The following SRBD1 variants were observed in gnomAD, a reference collection of about 807,000 sequenced individuals.
SRBD1 encodes the protein S1 RNA-binding domain-containing protein 1.
In SRBD1, 88 loss-of-function variants were observed where a neutral mutation model predicts 115.3. That is an observed-to-expected ratio of 0.76 (90% CI 0.64 to 0.91). SRBD1 has a LOEUF of 0.91. Ranked by LOEUF, SRBD1 falls within the 40% of genes least tolerant of loss-of-function variation. SRBD1 has a pLI of 0.00. For missense variants in SRBD1, 1,385 were observed against 1,177.4 expected (o/e 1.18, Z -2.58); for synonymous variants, 509 against 407.7 (o/e 1.25, Z -2.99).
intron 19 of SRBD1, among the ~76,000 whole-genome samples, chr2:45,408,287 A>C (rs1447808964): frequency 6.6e-6 from 1 of 152,192 alleles, no homozygotes; most frequent in African/African-American, 2.4e-5. Context: ...TGATAGACAG[A>C]AATTACTATC....
chr2:45,553,492 A>C (rs1672367606), intron 11 of SRBD1, 131 bp downstream of exon 11: 2 of 476,272 alleles, frequency 4.2e-6, no homozygotes, highest in Non-Finnish European at 3.6e-6. Flanking sequence ...CCTTAACTTT[A>C]ACACTTTGTG....
intron 14 of SRBD1, among the ~76,000 whole-genome samples, chr2:45,505,965 A>C (rs1346149316): frequency 6.6e-6 from 1 of 152,182 alleles, no homozygotes; most frequent in Non-Finnish European, 1.5e-5. Context: ...GTTGTTTGTG[A>C]ATGTCAGTCA....
At chr2:45,523,219 T>A (rs1470500420) in intron 14 of SRBD1, among the ~76,000 whole-genome samples, 1 of 145,470 alleles carries the variant, frequency 6.9e-6, no homozygotes, top group African/African-American at 2.5e-5. Context: ...AATGCCCATA[T>A]TAAAAAAAGA....
intron 14 of SRBD1, among the ~76,000 whole-genome samples, chr2:45,489,084 C>A (rs114127086): frequency 1.3e-5 from 2 of 152,276 alleles, no homozygotes; most frequent in African/African-American, 4.8e-5. Flanking sequence ...TGTCTTACAG[C>A]TGACATTTGT....
intron 14 of SRBD1, among the ~76,000 whole-genome samples, chr2:45,516,046 C>T (rs1671109799): frequency 6.6e-6 from 1 of 152,230 alleles, no homozygotes; most frequent in East Asian, 1.9e-4. Flanking sequence ...GTCAAGTATT[C>T]AGCCTTGACT....
chr2:45,410,599 C>T (rs1399266740), intron 19 of SRBD1, among the ~76,000 whole-genome samples: 1 of 152,178 alleles, frequency 6.6e-6, no homozygotes, highest in East Asian at 1.9e-4. Flanking sequence ...TATGACACGA[C>T]TGGTAGCTGG....
chr2:45,568,427 T>G (rs1672904008), intron 9 of SRBD1, among the ~76,000 whole-genome samples: 1 of 152,212 alleles, frequency 6.6e-6, no homozygotes, highest in Non-Finnish European at 1.5e-5. Context: ...ACATGAGGTC[T>G]CAGCACTATA....
chr2:45,592,533 C>T (rs533517538), intron 4 of SRBD1, among the ~76,000 whole-genome samples: 1 of 152,300 alleles, frequency 6.6e-6, no homozygotes, highest in South Asian at 2.1e-4. Flanking sequence ...GCCTTTTAAA[C>T]AAACTTCCAC....
chr2:45,551,491 T>C (rs1006500471), intron 11 of SRBD1, among the ~76,000 whole-genome samples: 2 of 152,210 alleles, frequency 1.3e-5, no homozygotes, highest in Non-Finnish European at 2.9e-5. Flanking sequence ...GCAAGTCTTG[T>C]AAGTTTATCA....
chr2:45,575,953 C>G (rs1399684274), intron 7 of SRBD1, among the ~76,000 whole-genome samples: 1 of 152,226 alleles, frequency 6.6e-6, no homozygotes, highest in Non-Finnish European at 1.5e-5. Flanking sequence ...ATCTGCCCCC[C>G]TCAGCCTCCC....
chr2:45,597,355 G>C (rs986514034), intron 4 of SRBD1, among the ~76,000 whole-genome samples: 3 of 152,050 alleles, frequency 2.0e-5, no homozygotes, highest in African/African-American at 7.2e-5. Flanking sequence ...GGGAGGCAGA[G>C]GTTGCAGTGA....
chr2:45,532,332 T>C (rs1047345404), intron 14 of SRBD1, among the ~76,000 whole-genome samples: 7 of 151,866 alleles, frequency 4.6e-5, no homozygotes, highest in African/African-American at 1.7e-4. Flanking sequence ...CAATTTACTT[T>C]AAAAGGCGCT....
At chr2:45,393,482 G>A (rs1490618070) in intron 19 of SRBD1, among the ~76,000 whole-genome samples, 6 of 152,260 alleles carry the variant, frequency 3.9e-5, no homozygotes, top group South Asian at 2.1e-4. Flanking sequence ...CTGGGTTCAC[G>A]CCATTCTCCT....
intron 16 of SRBD1, among the ~76,000 whole-genome samples, chr2:45,471,068 T>A (rs1406942389): frequency 6.6e-6 from 1 of 152,192 alleles, no homozygotes; most frequent in East Asian, 1.9e-4. Flanking sequence ...AAAATAAGTA[T>A]TAAGTTTATA....
chr2:45,536,383 A>T (rs926482403), intron 14 of SRBD1, among the ~76,000 whole-genome samples: 1 of 151,944 alleles, frequency 6.6e-6, no homozygotes, highest in Non-Finnish European at 1.5e-5. Context: ...GACATACTCT[A>T]ATAGGTAGAA....
intron 14 of SRBD1, among the ~76,000 whole-genome samples, chr2:45,492,244 C>G (rs1256011874): frequency 2.0e-5 from 3 of 152,298 alleles, no homozygotes; most frequent in Non-Finnish European, 2.9e-5. Flanking sequence ...ATTGATATCT[C>G]TACAGTTTAC....
intron 9 of SRBD1, among the ~76,000 whole-genome samples, chr2:45,565,905 C>T (rs970333181): frequency 2.0e-5 from 3 of 152,196 alleles, no homozygotes; most frequent in African/African-American, 4.8e-5. Context: ...GGATTATAGG[C>T]GTGAGCCATC....
At chr2:45,557,322 G>A (rs1672512469) in intron 10 of SRBD1, among the ~76,000 whole-genome samples, 1 of 152,170 alleles carries the variant, frequency 6.6e-6, no homozygotes, top group South Asian at 2.1e-4. Flanking sequence ...CCCTAACAGA[G>A]GGATTTGTTT....
rs138330281 is a variant in SRBD1, at chr2:45,461,339, C to T, written c.2049+15654G>A. 5.2e-3 allele frequency among the ~76,000 whole-genome samples: 792 copies of T among 152,246 alleles called. 2 individuals are homozygous for T. The highest frequency in any genetic ancestry group is 7.6e-3 in the Non-Finnish European group (515 of 68,008). ...TCTTCCTGTCTGTTAATGGTTGGTA[C>T]TTGGCACATCTGGAAAATGACGGAG... On this transcript the variant is annotated intron_variant, in intron 16 of 20. Coordinates refer to ENST00000263736, the MANE Select transcript of SRBD1 (RefSeq NM_018079.5).
Sources: allele counts gnomAD v4.1 joint callset (sites outside exome capture counted in the v4.1 genomes callset), GRCh38; gene constraint gnomAD v4.1.1; transcripts MANE v1.5; gene names NCBI Gene and HGNC (gene_info 2026-07-23, HGNC 2026-07-21).